The following LSAMP variants were observed in gnomAD, a reference collection of about 807,000 sequenced individuals.
LSAMP encodes the protein limbic system-associated membrane protein.
In LSAMP, 7 loss-of-function variants were observed where a neutral mutation model predicts 38.6. The observed-to-expected ratio is 0.18, with a 90% CI of 0.10 to 0.34. The LOEUF (loss-of-function observed/expected upper bound fraction) is 0.34, where lower values mean the gene tolerates loss of function less well. LSAMP is among the 10% of genes least tolerant of loss of function. The pLI is 1.00. For synonymous variants in LSAMP, 154 were observed against 166.8 expected (o/e 0.92, Z 0.59); for missense variants, 313 against 420.0 (o/e 0.75, Z 2.23).
At chr3:116,004,150 T>G (rs1033041543) in intron 3 of LSAMP, among the ~76,000 whole-genome samples, 7 of 152,122 alleles carry the variant, frequency 4.6e-5, no homozygotes, top group African/African-American at 1.7e-4. Flanking sequence ...ACTAAAAATC[T>G]AAAAGTCCAA....
At chr3:116,367,546 C>G (rs1308445680) in intron 1 of LSAMP, among the ~76,000 whole-genome samples, 1 of 149,150 alleles carries the variant, frequency 6.7e-6, no homozygotes, top group East Asian at 2.0e-4. Context: ...CTCTTGTTGC[C>G]CAGGCTGGAG....
At chr3:116,385,178 G>A (rs754596886) in intron 1 of LSAMP, among the ~76,000 whole-genome samples, 9 of 151,972 alleles carry the variant, frequency 5.9e-5, no homozygotes, top group Non-Finnish European at 1.2e-4. Flanking sequence ...TTCCCTAAGA[G>A]TCTAAAAAGA....
chr3:115,847,059 G>A (rs1051837790), intron 4 of LSAMP, among the ~76,000 whole-genome samples: 8 of 152,194 alleles, frequency 5.3e-5, no homozygotes, highest in East Asian at 1.9e-4. Flanking sequence ...CACTTTTAAC[G>A]CCTAAAGTGA....
At chr3:116,401,962 T>C (rs1379342668) in intron 1 of LSAMP, among the ~76,000 whole-genome samples, 2 of 152,170 alleles carry the variant, frequency 1.3e-5, no homozygotes, top group Non-Finnish European at 2.9e-5. Flanking sequence ...CTACATAAAT[T>C]TTTAAGAAAA....
chr3:116,137,329 G>A (rs2107510409), intron 1 of LSAMP, among the ~76,000 whole-genome samples: 1 of 152,048 alleles, frequency 6.6e-6, no homozygotes, highest in South Asian at 2.1e-4. Context: ...TTGCAAGGGG[G>A]GAGTTAGTAA....
At chr3:115,921,827 T>C (rs916909346) in intron 3 of LSAMP, among the ~76,000 whole-genome samples, 4 of 152,184 alleles carry the variant, frequency 2.6e-5, no homozygotes, top group Non-Finnish European at 5.9e-5. Flanking sequence ...GAATATAGTA[T>C]TCTTTACTGA....
intron 6 of LSAMP, among the ~76,000 whole-genome samples, chr3:115,819,951 G>C (rs979208063): frequency 6.6e-6 from 1 of 152,064 alleles, no homozygotes; most frequent in Non-Finnish European, 1.5e-5. Flanking sequence ...GTAATACTAA[G>C]ACATGCTCCT....
At chr3:116,359,633 G>A (rs1237541925) in intron 1 of LSAMP, among the ~76,000 whole-genome samples, 1 of 152,120 alleles carries the variant, frequency 6.6e-6, no homozygotes, top group Non-Finnish European at 1.5e-5. Context: ...TTGTTACATA[G>A]GTAAGCATGT....
rs1042088745 is a variant in LSAMP at position 115,804,734 on chromosome 3, G to A, written c.*5583C>T. 2 of 151,952 alleles carry A rather than the reference G, an allele frequency of 1.3e-5. No individual in the cohort carries two copies. The highest frequency in any genetic ancestry group is 4.8e-5 in the African/African-American group (2 of 41,350). 9.4% of individuals were successfully genotyped at this position (151,952 alleles called of 1,614,324 possible). The stretch of plus-strand genomic sequence containing the variant: ...TTATGTAACAGTTGTTCATATTGTA[G>A]GAATGATATATATGTCATCCTGTTA... On this transcript the variant is annotated 3_prime_UTR_variant, in exon 7 of 7. Transcript: ENST00000490035.
At chr3:116,433,046 A>T (rs1215567168) in intron 1 of LSAMP, among the ~76,000 whole-genome samples, 1 of 152,186 alleles carries the variant, frequency 6.6e-6, no homozygotes, top group Non-Finnish European at 1.5e-5. Context: ...CCAGCTACAA[A>T]TTGGCAACCA....
chr3:115,972,809 T>C (rs1939060112), intron 3 of LSAMP, among the ~76,000 whole-genome samples: 2 of 150,508 alleles, frequency 1.3e-5, no homozygotes, highest in Admixed American at 6.6e-5. Flanking sequence ...ATGCAGTTAT[T>C]GTGAGGATTT....
chr3:115,897,655 C>T (rs1936762585), intron 3 of LSAMP, among the ~76,000 whole-genome samples: 1 of 152,126 alleles, frequency 6.6e-6, no homozygotes, highest in Non-Finnish European at 1.5e-5. Context: ...ATATCTTGGT[C>T]ACCATCAGCA....
chr3:115,942,377 G>A (rs1937953237), intron 3 of LSAMP, among the ~76,000 whole-genome samples: 1 of 152,116 alleles, frequency 6.6e-6, no homozygotes. Flanking sequence ...AGCAAAAGGT[G>A]TCTACTTGTA....
At chr3:116,148,903 A>C (rs181201736) in intron 1 of LSAMP, among the ~76,000 whole-genome samples, 35 of 152,136 alleles carry the variant, frequency 2.3e-4, no homozygotes, top group African/African-American at 8.2e-4. Context: ...GCTATCTGCA[A>C]TCACAGAAGT....
At chr3:116,253,537 G>T (rs181747892) in intron 1 of LSAMP, among the ~76,000 whole-genome samples, 13 of 152,278 alleles carry the variant, frequency 8.5e-5, no homozygotes, top group Non-Finnish European at 1.5e-4. Context: ...AGAGGCAACA[G>T]AAAAGAGCAC....
intron 4 of LSAMP, among the ~76,000 whole-genome samples, chr3:115,843,484 G>T (rs1279730341): frequency 6.6e-6 from 1 of 152,228 alleles, no homozygotes; most frequent in Non-Finnish European, 1.5e-5. Context: ...GGCCTTCAAG[G>T]AGAGAAGGCC....
At chr3:116,187,171 C>G (rs62269219) in intron 1 of LSAMP, among the ~76,000 whole-genome samples, 1 of 152,106 alleles carries the variant, frequency 6.6e-6, no homozygotes, top group Non-Finnish European at 1.5e-5. Context: ...GCACATGGTG[C>G]ACAGGTGGTG....
intron 2 of LSAMP, among the ~76,000 whole-genome samples, chr3:116,058,769 AG>A (rs959620192): frequency 6.6e-6 from 1 of 152,200 alleles, no homozygotes; most frequent in Non-Finnish European, 1.5e-5. Flanking sequence ...GAATAGAAAA[AG>A]CACAAACCCT....
At chr3:116,204,450 G>T (rs1349468986) in intron 1 of LSAMP, among the ~76,000 whole-genome samples, 3 of 151,952 alleles carry the variant, frequency 2.0e-5, no homozygotes, top group African/African-American at 7.3e-5. Context: ...CATTGCTTTT[G>T]GTGTTTTAGA....
Sources: allele counts gnomAD v4.1 joint callset (sites outside exome capture counted in the v4.1 genomes callset), GRCh38; gene constraint gnomAD v4.1.1; transcripts MANE v1.5; gene names NCBI Gene and HGNC (gene_info 2026-07-23, HGNC 2026-07-21).